Variants in PLEC observed in about 807,000 individuals in gnomAD.
The protein encoded by PLEC is hemidesmosomal protein 1.
Under a neutral mutation model 392.8 loss-of-function variants are expected in PLEC, and 216 were observed. That is an observed-to-expected ratio of 0.55 (90% CI 0.49 to 0.62). The LOEUF is 0.62. PLEC is among the 20% of genes least tolerant of loss of function. The probability of loss-of-function intolerance (pLI) is 0.00; values close to 1 mark genes in which losing one functional copy is unlikely to be tolerated. For synonymous variants in PLEC, 3,621 were observed against 2,980.6 expected, an observed-to-expected ratio of 1.21 and a Z score of -7.00; for missense variants, 6,863 against 6,563.4, an observed-to-expected ratio of 1.05 and a Z score of -1.58.
chr8:143,924,299 CGCT>C lies in PLEC; in HGVS notation c.5627_5629del (p.Gln1876del), dbSNP rs781787562. 3 of 1,594,838 alleles carry C rather than the reference CGCT, an allele frequency of 1.9e-6. No homozygotes were observed. The highest frequency in any genetic ancestry group is 1.1e-5 in the South Asian group (1 of 90,730). ...CGCGGCCTGCTCCTCCAGCCGCCGCCGCTGGAAGGCCTCGTCCTCCGCCAGCCG... is the reference window on the plus strand; with the variant it reads ...CGCGGCCTGCTCCTCCAGCCGCCGCCGGAAGGCCTCGTCCTCCGCCAGCCG... On this transcript the variant is annotated inframe_deletion, in exon 31 of 32. Coordinates refer to ENST00000345136, the MANE Select transcript of PLEC (RefSeq NM_201384.3).
Position 143,923,962 on chromosome 8 carries a change from G to C in PLEC, c.5967C>G (p.Arg1989=). 1 of 1,591,562 alleles carries C rather than the reference G, an allele frequency of 6.3e-7. No homozygotes were observed. Among genetic ancestry groups the C allele is most frequent in the Non-Finnish European group, 8.5e-7 (1 of 1,176,520 alleles). Residue 1989 remains arginine, a synonymous_variant, in exon 31 of 32, where the codon CGC becomes CGG. Coordinates refer to ENST00000345136, the MANE Select transcript of PLEC (RefSeq NM_201384.3). The stretch of plus-strand genomic sequence containing the variant: ...CCTCGGCCGCCAGGCTCTTCTGCAC[G>C]CGCTCCTCAGCCTCACGGCGCCGCC... ...EERRRREAEE[R]VQKSLAAEEE...
chr8:143,920,806 G>A lies in PLEC; in HGVS notation c.9015C>T (p.Arg3005=). 6.2e-7 allele frequency: 1 copy of A among 1,608,064 alleles called. No homozygotes were observed. The highest frequency in any genetic ancestry group is 8.5e-7 in the Non-Finnish European group (1 of 1,179,936). Residue 3005 remains arginine (R), a synonymous_variant, in exon 32 of 32, where the codon CGC becomes CGT. Transcript: ENST00000345136. ...CCACCTCGGCTACGTCTCGCACAGA[G>A]CGCTCACCTCGCTGCAGCTGCTGGT... ...ELYQQLQRGE[R]SVRDVAEVDT...
Position 143,934,635 on chromosome 8 carries a change from C to T in PLEC, c.1041G>A (p.Glu347=), listed in dbSNP as rs1298359689. 3.7e-6 allele frequency: 6 copies of T among 1,613,014 alleles called. No homozygotes were observed. Among genetic ancestry groups the T allele is most frequent in the Non-Finnish European group, 5.1e-6 (6 of 1,179,766 alleles). The change falls in exon 10 of 32, where the codon GAG becomes GAA. Residue 347 remains glutamate (E), a splice_region_variant and synonymous_variant. Coordinates refer to ENST00000345136, the MANE Select transcript of PLEC (RefSeq NM_201384.3). ...NRSKGIYQSL[E]GAVQAGQLKV... ...CCACCCCTCCAGCGGTCCCACTCAC[C>T]TCCAGGGATTGGTAGATGCCCTTGG...
At chr8:143,959,739 G>A (rs1440374923) in intron 1 of PLEC, among the ~76,000 whole-genome samples, 1 of 152,268 alleles carries the variant, frequency 6.6e-6, no homozygotes, top group Non-Finnish European at 1.5e-5. Context: ...GCTCACGCCT[G>A]TAATCCCAGC....
At position 143,958,993 on chromosome 8, in the gene PLEC, G is replaced by A. The variant is rs1015098765; in HGVS notation, c.70+14410C>T. Among the ~76,000 whole-genome samples, 13 of 152,326 alleles carry A rather than the reference G, an allele frequency of 8.5e-5. 1 individual carries two copies. The highest frequency in any genetic ancestry group is 4.1e-4 in the South Asian group (2 of 4,826). On this transcript the variant is annotated intron_variant, in intron 1 of 31. Coordinates refer to the PLEC transcript ENST00000356346. The surrounding 1 kb of genome is among the most constrained non-coding windows in gnomAD (Gnocchi z 4.9). ...CCGGTATATTGATCTAGAAAATCTC[G>A]ACAGCTCATTTGATAAAAACCAGTA...
At chr8:143,963,640 A>G (rs1832960169) in intron 1 of PLEC, among the ~76,000 whole-genome samples, 1 of 151,816 alleles carries the variant, frequency 6.6e-6, no homozygotes, top group East Asian at 1.9e-4. Flanking sequence ...TTTAGACACA[A>G]CTTCGATGAT....
Position 143,927,497 on chromosome 8 carries a change from C to T in PLEC, c.3669G>A (p.Leu1223=). Residue 1223 remains leucine (L), a synonymous_variant, in exon 27 of 32, where the codon CTG becomes CTA. Transcript: ENST00000345136. ...GCTCCTGCCGCCGCCTGGCGTCCTG[C>T]AGCCAGGCGCCCAAGGGGTCTGCAC... ...RESADPLGAW[L]QDARRRQEQI... 1 of 1,596,938 alleles carries T rather than the reference C, an allele frequency of 6.3e-7. No homozygotes were observed. Among genetic ancestry groups the T allele is most frequent in the Middle Eastern group, 1.7e-4 (1 of 6,044 alleles).
rs1554744939 is a variant in PLEC, at chr8:143,973,413, C to A, written c.60G>T (p.Glu20Asp). 6.4e-7 allele frequency: 1 copy of A among 1,555,512 alleles called. No homozygotes were observed. Among genetic ancestry groups the A allele is most frequent in the South Asian group, 1.2e-5 (1 of 84,410 alleles). The change falls in exon 1 of 32, where the codon GAG (glutamate) becomes GAT (aspartate). Residue 20 changes from glutamate (E) to aspartate (D), a missense_variant. Glu to Asp is a conservative substitution (Grantham distance 45). Coordinates refer to the PLEC transcript ENST00000356346. This position sits in a 1 kb window ranked among gnomAD's most constrained non-coding sequence, Gnocchi z 5.6. ...GACGGGGGGCCGTACCTTTGTACTT[C>A]TCGCGCACCTCCTCGTAGGCCTGGA...
In PLEC at chr8:143,921,844, C is replaced by A; in HGVS notation, c.7977G>T (p.Gln2659His). ...CCTCCGCACTCAGGATGCCGGCCTC[C>A]TGCAGCCTCTGAGCTGACACCTTCC... ...LRRKVSAQRLQEAGILSAEEL... is the reference protein window; with the variant it reads ...LRRKVSAQRLHEAGILSAEEL... The change falls in exon 32 of 32, where the codon CAG (glutamine) becomes CAT (histidine). Residue 2659 changes from glutamine (Q) to histidine (H), a missense_variant. By Grantham distance (24) the Gln-to-His change is conservative (BLOSUM62 0). Coordinates refer to ENST00000345136, the MANE Select transcript of PLEC (RefSeq NM_201384.3). 2 of 1,605,296 alleles carry A rather than the reference C, an allele frequency of 1.2e-6. No homozygotes were observed. The highest frequency in any genetic ancestry group is 1.7e-6 in the Non-Finnish European group (2 of 1,179,750).
rs782452508 is a variant in PLEC, at chr8:143,925,047, C to A, written c.4882G>T (p.Glu1628Ter). The A allele has an allele frequency of 6.4e-7, 1 of 1,553,478 alleles. No homozygotes were observed. The highest frequency in any genetic ancestry group is 1.4e-5 in the African/African-American group (1 of 73,734). ...AGCTGCCAGCGCTCCAGCTCCCGCT[C>A]TGCCTCCTCGCGCGCCCGCTCGGCC... ...AEAERAREEA[E>*]RELERWQLKA... Residue 1628 changes from glutamate (E) to a stop codon, truncating the protein, a stop_gained, in exon 31 of 32, where the codon GAG becomes TAG. Coordinates refer to ENST00000345136, the MANE Select transcript of PLEC (RefSeq NM_201384.3). LOFTEE classifies it high-confidence loss of function.
chr8:143,919,686 G>C lies in PLEC; in HGVS notation c.10135C>G (p.Leu3379Val). The C allele has an allele frequency of 6.2e-7, 1 of 1,601,888 alleles. No homozygotes were observed. Among genetic ancestry groups the C allele is most frequent in the Non-Finnish European group, 8.5e-7 (1 of 1,175,436 alleles). The part of the protein sequence containing the change: ...VSIYEAMRRG[L>V]LRATTAALLL... ...AGCGCAGCCGTTGTGGCTCTCAGCA[G>C]GCCCCGGCGCATGGCCTCGTAGATG... The change falls in exon 32 of 32, where the codon CTG (leucine) becomes GTG (valine). Residue 3379 changes from leucine to valine, a missense_variant. By Grantham distance (32) the Leu-to-Val change is conservative. Transcript: ENST00000345136.
At chr8:143,934,270 G>A (rs1394748032) in intron 11 of PLEC, 48 bp downstream of exon 11, 16 of 1,609,148 alleles carry the variant, frequency 9.9e-6, no homozygotes, top group Non-Finnish European at 1.4e-5. Context: ...TTCCCAGGCA[G>A]TGACACACCC....
Position 143,929,242 on chromosome 8 carries a change from C to A in PLEC, c.3121G>T (p.Ala1041Ser). 1 of 1,601,882 alleles carries A rather than the reference C, an allele frequency of 6.2e-7. No homozygotes were observed. Among genetic ancestry groups the A allele is most frequent in the South Asian group, 1.1e-5 (1 of 90,662 alleles). ...AEVEGLGKGV[A>S]RLSAEAEKVL... ...TTCTCGGCCTCGGCAGAGAGCCGGG[C>A]GACCCCCTTGCCCAGCCCCTCCACC... The change falls in exon 25 of 32, where the codon GCC becomes TCC. Residue 1041 changes from alanine (A) to serine (S), a missense_variant. Ala to Ser is a moderately conservative substitution (Grantham distance 99, BLOSUM62 1). Coordinates refer to ENST00000345136, the MANE Select transcript of PLEC (RefSeq NM_201384.3).
rs782379745 is a variant in PLEC at position 143,932,409 on chromosome 8, C to T, written c.1968G>A (p.Glu656=). Residue 656 remains glutamate (E), a synonymous_variant, in exon 16 of 32, where the codon GAG becomes GAA. Transcript: ENST00000345136. ...DRNTNMTAKK[E]SYSALMRELE... ...CTGGGCCACCGCTCACCGAGTAGCT[C>T]TCCTTCTTGGCGGTCATGTTGGTGT... The T allele has an allele frequency of 1.2e-5, 19 of 1,612,828 alleles. No individual in the cohort carries two copies. The highest frequency in any genetic ancestry group is 1.1e-4 in the East Asian group (5 of 44,888).
chr8:143,924,864 G>A lies in PLEC; in HGVS notation c.5065C>T (p.Leu1689=), dbSNP rs371126082. 226 of 1,587,792 alleles carry A rather than the reference G, an allele frequency of 1.4e-4. 1 individual carries two copies. The African/African-American group carries it at 1.9e-3, about 13-fold the overall frequency. Residue 1689 remains leucine, a synonymous_variant, in exon 31 of 32, where the codon CTG becomes TTG. Coordinates refer to ENST00000345136, the MANE Select transcript of PLEC (RefSeq NM_201384.3). ...TGCTTCTCCAGCTCTTGTTCAGCCA[G>A]CTCCCGCTGCCGGACGGCCTGCTCC... ...AEEQAVRQRE[L]AEQELEKQRQ... is the part of the protein sequence containing the mutation.
chr8:143,932,614 G>A (rs781950200), intron 15 of PLEC, 21 bp downstream of exon 15: 2 of 1,610,842 alleles, frequency 1.2e-6, no homozygotes, highest in African/African-American at 1.3e-5. Context: ...ACCTCCCCCG[G>A]CTGGCCCTGC....
At position 143,922,487 on chromosome 8, in the gene PLEC, C is replaced by T. The variant is rs527943274; in HGVS notation, c.7425+17G>A. The T allele has an allele frequency of 1.2e-5, 20 of 1,605,452 alleles. No homozygotes were observed. Among genetic ancestry groups the T allele is most frequent in the Middle Eastern group, 1.6e-4 (1 of 6,080 alleles). On this transcript the variant is annotated intron_variant, in intron 31 of 31. Coordinates refer to ENST00000345136, the MANE Select transcript of PLEC (RefSeq NM_201384.3). ...TCCCCGGGCCCACCCGCCCGTCGCA[C>T]GTAGAGGGGGCGGTACCTCCTCAGA...
At chr8:143,975,702 A>C (rs1833638090), upstream of PLEC, among the ~76,000 whole-genome samples, 1 of 143,090 alleles carries the variant, frequency 7.0e-6, no homozygotes. This position sits in a 1 kb window ranked among gnomAD's most constrained non-coding sequence, Gnocchi z 9.9. Flanking sequence ...GGCCACCCCC[A>C]CTCCCACACA....
chr8:143,932,351 C>T, intron 16 of PLEC, 49 bp downstream of exon 16: 1 of 1,611,026 alleles, frequency 6.2e-7, no homozygotes, highest in South Asian at 1.1e-5. Context: ...GGCCAGGGCA[C>T]AGCTGGGGAG....
Sources: gnomAD v4.1 joint callset for allele counts (sites outside exome capture counted in the v4.1 genomes callset) on GRCh38, gnomAD v4.1.1 for gene constraint, Gnocchi (gnomAD v3.1) non-coding constraint, MANE v1.5 for transcripts, NCBI Gene and HGNC (gene_info 2026-07-23, HGNC 2026-07-21) for gene names.